AKAP13: variants seen among roughly 807,000 people sequenced by gnomAD.
The protein encoded by AKAP13 is A-kinase anchor protein 13.
In AKAP13, 80 loss-of-function variants were observed where a neutral mutation model predicts 264.5. The observed-to-expected ratio is 0.30, with a 90% CI of 0.25 to 0.36. AKAP13 has a LOEUF of 0.36. Among genes scored for constraint, AKAP13 ranks in the 10% least tolerant of loss-of-function variants. AKAP13 has a pLI of 1.00. For missense variants in AKAP13, 3,712 were observed against 3,435.2 expected, an observed-to-expected ratio of 1.08 and a Z score of -2.01; for synonymous variants, 1,380 against 1,250.2, an observed-to-expected ratio of 1.10 and a Z score of -2.19.
At chr15:85,402,632 C>A (rs1465498221) in intron 1 of AKAP13, among the ~76,000 whole-genome samples, 1 of 152,168 alleles carries the variant, frequency 6.6e-6, no homozygotes, top group African/African-American at 2.4e-5. Context: ...GAATCATACT[C>A]CTTGCTTATC....
At chr15:85,692,766 C>T (rs1033556599) in intron 16 of AKAP13, among the ~76,000 whole-genome samples, 4 of 152,124 alleles carry the variant, frequency 2.6e-5, no homozygotes, top group Non-Finnish European at 2.9e-5. Flanking sequence ...ATACATACTC[C>T]GTCACTTAGG....
At position 85,722,292 on chromosome 15, in the gene AKAP13, T is replaced by A; in HGVS notation, c.6441T>A (p.Thr2147=). The change falls in exon 25 of 37, where the codon ACT becomes ACA. Residue 2147 remains threonine, a synonymous_variant. Coordinates refer to ENST00000394518, the MANE Select transcript of AKAP13 (RefSeq NM_007200.5). Reference sequence around the variant, plus strand: ...TTCCAGAGTGCATATTGCTTGTAACTCAGCGGATTACCAAGTACCCAGTTT... The same window carrying A: ...TTCCAGAGTGCATATTGCTTGTAACACAGCGGATTACCAAGTACCCAGTTT... The part of the protein sequence containing the change: ...LGIPECILLV[T]QRITKYPVLF... 1 of 1,613,794 alleles carries A rather than the reference T, an allele frequency of 6.2e-7. No individual in the cohort carries two copies. Among genetic ancestry groups the A allele is most frequent in the South Asian group, 1.1e-5 (1 of 91,046 alleles).
intron 8 of AKAP13, among the ~76,000 whole-genome samples, chr15:85,636,796 G>A (rs1253537354): frequency 2.0e-5 from 3 of 152,100 alleles, no homozygotes; most frequent in Non-Finnish European, 4.4e-5. Flanking sequence ...TGTATTTTCA[G>A]TAGAGATGTG....
intron 11 of AKAP13, among the ~76,000 whole-genome samples, 187 bp downstream of exon 11, chr15:85,655,974 G>A (rs2083073762): frequency 6.6e-6 from 1 of 151,982 alleles, no homozygotes; most frequent in African/African-American, 2.4e-5. Context: ...GATGACCTTG[G>A]GCAAGTCACC....
At position 85,708,125 on chromosome 15, in the gene AKAP13, G is replaced by T; in HGVS notation, c.5532+39G>T. ...GCTAAAACAAGGCTTAAAATAAAAG[G>T]GTTTAAACCAGCAAAATCCTCGGGA... On this transcript the variant is annotated intron_variant, in intron 18 of 36. Transcript: ENST00000394518. This position sits in a 1 kb window ranked among gnomAD's most constrained non-coding sequence, Gnocchi z 4.3. The T allele has an allele frequency of 1.3e-6, 2 of 1,597,686 alleles. No individual in the cohort carries two copies. The highest frequency in any genetic ancestry group is 2.2e-5 in the South Asian group (2 of 90,092).
chr15:85,544,259 C>T (rs996595962), intron 5 of AKAP13: 9 of 471,516 alleles, frequency 1.9e-5, no homozygotes, highest in African/African-American at 1.8e-4. Flanking sequence ...GTGGAGGTAG[C>T]ATAACATTAC....
chr15:85,533,541 GA>G, intron 3 of AKAP13, 42 bp from the exon 4 acceptor site: 1 of 1,530,044 alleles, frequency 6.5e-7, no homozygotes, highest in Non-Finnish European at 8.8e-7. Flanking sequence ...TTTCAGCAGT[GA>G]GGCTCTAATA....
chr15:85,684,632 T>C, intron 15 of AKAP13, 109 bp from the exon 16 acceptor site: 3 of 1,168,168 alleles, frequency 2.6e-6, no homozygotes, highest in Middle Eastern at 2.9e-4. Flanking sequence ...CGTTGTGGCA[T>C]ACTCTATAAA....
Position 85,723,337 on chromosome 15 carries a change from T to C in AKAP13, c.6745+17T>C. On this transcript the variant is annotated intron_variant, in intron 26 of 36. Transcript: ENST00000394518. ...GGTTGAAAGGTAAGGCTTGGCTCTT[T>C]TGTCTTAAGTATGTGCCCAGGTAAA... 6.2e-7 allele frequency: 1 copy of C among 1,612,590 alleles called. No individual in the cohort carries two copies. Among genetic ancestry groups the C allele is most frequent in the Non-Finnish European group, 8.5e-7 (1 of 1,178,890 alleles).
chr15:85,506,126 G>T (rs1031284207), intron 2 of AKAP13, among the ~76,000 whole-genome samples: 1 of 152,050 alleles, frequency 6.6e-6, no homozygotes, highest in African/African-American at 2.4e-5. Flanking sequence ...GTGAAACTCC[G>T]TCTCTACTAA....
At chr15:85,564,043 G>T (rs530566023) in intron 5 of AKAP13, among the ~76,000 whole-genome samples, 1 of 152,028 alleles carries the variant, frequency 6.6e-6, no homozygotes, top group Non-Finnish European at 1.5e-5. Context: ...CTCTGAAACC[G>T]GAATACTACC....
At chr15:85,685,039 G>A (rs925614653) in intron 16 of AKAP13, 166 bp downstream of exon 16, 4 of 841,304 alleles carry the variant, frequency 4.8e-6, no homozygotes, top group Non-Finnish European at 7.0e-6. Flanking sequence ...AAGAAAAATA[G>A]CAAGAAGTGG....
intron 12 of AKAP13, among the ~76,000 whole-genome samples, chr15:85,662,046 G>T (rs2083377585): frequency 6.6e-6 from 1 of 152,182 alleles, no homozygotes; most frequent in African/African-American, 2.4e-5. Flanking sequence ...GTACCCAGTG[G>T]TGGAGTTTGA....
intron 2 of AKAP13, among the ~76,000 whole-genome samples, chr15:85,499,225 G>T (rs1426358885): frequency 1.3e-5 from 2 of 152,122 alleles, no homozygotes; most frequent in African/African-American, 4.8e-5. Flanking sequence ...ACAGGGTTGG[G>T]TATCTCTTTG....
intron 2 of AKAP13, among the ~76,000 whole-genome samples, chr15:85,500,483 C>T (rs934725424): frequency 1.3e-5 from 2 of 152,128 alleles, no homozygotes; most frequent in South Asian, 2.1e-4. Flanking sequence ...TAGCTAGATT[C>T]GTGAAGTCAG....
chr15:85,382,785 A>G (rs1192044895), intron 1 of AKAP13, among the ~76,000 whole-genome samples: 1 of 152,310 alleles, frequency 6.6e-6, no homozygotes, highest in Non-Finnish European at 1.5e-5. Context: ...CTTTGCCGGT[A>G]GTCTTAACAT....
intron 8 of AKAP13, among the ~76,000 whole-genome samples, chr15:85,604,504 C>A (rs190165089): frequency 4.0e-5 from 6 of 151,264 alleles, no homozygotes; most frequent in African/African-American, 1.5e-4. Context: ...CGCTCTGTTG[C>A]TCAGGCTGGA....
At chr15:85,454,609 G>A (rs1021548826) in intron 1 of AKAP13, among the ~76,000 whole-genome samples, 1 of 151,948 alleles carries the variant, frequency 6.6e-6, no homozygotes, top group African/African-American at 2.4e-5. Context: ...GCTGCCTCTA[G>A]TCGGCTCTGT....
intron 2 of AKAP13, among the ~76,000 whole-genome samples, chr15:85,510,599 T>TA (rs1455244069): frequency 6.6e-6 from 1 of 152,228 alleles, no homozygotes; most frequent in Non-Finnish European, 1.5e-5. Flanking sequence ...TTGCTAGCAG[T>TA]AAGTCATTTG....
Sources: gnomAD v4.1 joint callset for allele counts (sites outside exome capture counted in the v4.1 genomes callset) on GRCh38, gnomAD v4.1.1 for gene constraint, Gnocchi (gnomAD v3.1) non-coding constraint, MANE v1.5 for transcripts, NCBI Gene and HGNC (gene_info 2026-07-23, HGNC 2026-07-21) for gene names.